Variants in DNAJB4 observed in about 807,000 individuals in gnomAD.
The protein encoded by DNAJB4 is dnaJ homolog subfamily B member 4.
A neutral mutation model predicts 26.6 loss-of-function variants in DNAJB4; 10 were observed. The observed-to-expected ratio is 0.38, with a 90% CI of 0.23 to 0.64. DNAJB4 has a LOEUF of 0.64. DNAJB4 is among the 30% of genes least tolerant of loss of function. The pLI is 0.58. For missense variants in DNAJB4, 328 were observed against 408.2 expected (o/e 0.80, Z 1.69); for synonymous variants, 136 against 134.8 (o/e 1.01, Z -0.06).
At chr1:77,999,385 TG>T (rs1660137877) in intron 1 of DNAJB4, among the ~76,000 whole-genome samples, 1 of 151,980 alleles carries the variant, frequency 6.6e-6, no homozygotes, top group Non-Finnish European at 1.5e-5. Flanking sequence ...TTTTATAAAC[TG>T]TAAAGTATTA....
At chr1:78,008,209 A>G (rs1479583041) in intron 1 of DNAJB4, among the ~76,000 whole-genome samples, 1 of 152,172 alleles carries the variant, frequency 6.6e-6, no homozygotes, top group East Asian at 1.9e-4. Flanking sequence ...AAAGGAAAGA[A>G]AAAAAATACG....
chr1:77,986,050 A>G (rs2102587466), intron 1 of DNAJB4, among the ~76,000 whole-genome samples: 1 of 152,270 alleles, frequency 6.6e-6, no homozygotes, highest in East Asian at 1.9e-4. Context: ...GATCAGATAG[A>G]TCATTCATTC....
At chr1:77,984,031 T>C (rs61778901) in intron 1 of DNAJB4, among the ~76,000 whole-genome samples, 13,252 of 152,248 alleles carry the variant, frequency 0.087, 790 homozygotes, top group Middle Eastern at 0.14. Context: ...GTGATTAGAC[T>C]GGGGTACCTC....
chr1:78,003,412 G>A (rs1016397169), upstream of DNAJB4, among the ~76,000 whole-genome samples: 25 of 152,136 alleles, frequency 1.6e-4, no homozygotes, highest in African/African-American at 5.3e-4. Context: ...TTAAAGTAGA[G>A]AATTTTGAAG....
At chr1:78,006,712 C>A (rs1454004182) in intron 1 of DNAJB4, among the ~76,000 whole-genome samples, 1 of 152,120 alleles carries the variant, frequency 6.6e-6, no homozygotes, top group Non-Finnish European at 1.5e-5. Context: ...AAATACTGGG[C>A]AGTTCAATCT....
rs371562329 is a variant in DNAJB4, at chr1:77,997,314, C to CAAA, written c.-31-7749_-31-7747dup. 2.1e-3 allele frequency among the ~76,000 whole-genome samples: 141 copies of CAAA among 67,644 alleles called. 1 individual carries two copies. Among genetic ancestry groups the CAAA allele is most frequent in the Middle Eastern group, 7.7e-3 (1 of 130 alleles). The allele number at this position is 67,644 out of a possible 152,430, so 44.4% of individuals were successfully genotyped here. On this transcript the variant is annotated intron_variant, in intron 1 of 2. Transcript: ENST00000426517. Reference sequence around the variant, plus strand: ...GAGACATAGTGAGAACCTGTCTCTACAAAAAAAAAAAAAAAAAAATCTATA... The same window carrying CAAA: ...GAGACATAGTGAGAACCTGTCTCTACAAAAAAAAAAAAAAAAAAAAAATCTATA...
rs905676813 is a variant in DNAJB4 at position 78,017,376 on chromosome 1, G to T, written c.*1129G>T. 3 of 151,328 alleles carry T rather than the reference G, an allele frequency of 2.0e-5. No homozygotes were observed. The highest frequency in any genetic ancestry group is 4.8e-5 in the African/African-American group (2 of 41,238). The allele number at this position is 151,328 out of a possible 1,614,324, so 9.4% of individuals were successfully genotyped here. A position where few individuals can be genotyped will look rare whatever the true frequency, so the allele number is the denominator to read the frequency against. On this transcript the variant is annotated 3_prime_UTR_variant, in exon 3 of 3. Coordinates refer to ENST00000370763, the MANE Select transcript of DNAJB4 (RefSeq NM_007034.5). ...ATGATGTTTTGAAGCAAAATTTTTG[G>T]TTATAAAATAGTTTTCAGGATTATA...
Position 78,016,084 on chromosome 1 carries a change from T to C in DNAJB4, c.851T>C (p.Ile284Thr), listed in dbSNP as rs1429653131. 2 of 1,614,122 alleles carry C rather than the reference T, an allele frequency of 1.2e-6. No individual in the cohort carries two copies. The highest frequency in any genetic ancestry group is 2.2e-5 in the East Asian group (1 of 44,858). ...AACATACCTATGTCAGTAAATGATA[T>C]TGTGAAACCCGGAATGAGGAGAAGA... ...GRNIPMSVND[I>T]VKPGMRRRII... The change falls in exon 3 of 3, where the codon ATT (isoleucine) becomes ACT (threonine). Residue 284 changes from isoleucine to threonine, a missense_variant. Ile to Thr is a moderately conservative substitution (Grantham distance 89). Coordinates refer to ENST00000370763, the MANE Select transcript of DNAJB4 (RefSeq NM_007034.5).
At chr1:78,012,750 G>A (rs528980947) in intron 1 of DNAJB4, among the ~76,000 whole-genome samples, 58 of 152,160 alleles carry the variant, frequency 3.8e-4, no homozygotes, top group African/African-American at 1.2e-3. Flanking sequence ...CGGAGGTTGC[G>A]GTGAGCCAAG....
intron 1 of DNAJB4, among the ~76,000 whole-genome samples, chr1:78,012,180 T>G (rs1456942116): frequency 7.0e-6 from 1 of 142,752 alleles, no homozygotes; most frequent in African/African-American, 2.6e-5. Flanking sequence ...TTTTTTTTTT[T>G]GAGACAGAGT....
At position 78,013,035 on chromosome 1, in the gene DNAJB4, T is replaced by G; in HGVS notation, c.212-16T>G. On this transcript the variant is annotated splice_polypyrimidine_tract_variant and intron_variant, in intron 1 of 2. Transcript: ENST00000370763. ...GTTGCAAGCTTTTTTCTAATCATGC[T>G]TATCTCTTCAATTAGGGTTGAAAGG... 6.4e-7 allele frequency: 1 copy of G among 1,558,802 alleles called. No individual in the cohort carries two copies. Among genetic ancestry groups the G allele is most frequent in the Non-Finnish European group, 8.6e-7 (1 of 1,156,128 alleles).
At chr1:77,999,059 G>A (rs753143043) in intron 1 of DNAJB4, among the ~76,000 whole-genome samples, 4 of 152,136 alleles carry the variant, frequency 2.6e-5, no homozygotes, top group Non-Finnish European at 5.9e-5. Context: ...TTGCTCTATA[G>A]CAATCTATGG....
chr1:78,007,560 G>A (rs942876718), intron 1 of DNAJB4, among the ~76,000 whole-genome samples: 38 of 152,200 alleles, frequency 2.5e-4, no homozygotes, highest in Admixed American at 5.9e-4. Context: ...CAGCCTGGGC[G>A]ACAGAGCGAG....
chr1:78,008,834 C>G (rs914954767), intron 1 of DNAJB4, among the ~76,000 whole-genome samples: 3 of 152,108 alleles, frequency 2.0e-5, no homozygotes, highest in Non-Finnish European at 4.4e-5. Flanking sequence ...CTGAACCACT[C>G]TCTAAAGTTT....
intron 1 of DNAJB4, among the ~76,000 whole-genome samples, chr1:78,007,619 A>T (rs531283195): frequency 1.2e-4 from 19 of 152,180 alleles, no homozygotes; most frequent in Non-Finnish European, 1.2e-4. Flanking sequence ...CAATTGAATG[A>T]AAGTTATTTG....
chr1:78,014,158 G>A (rs1325893637), intron 2 of DNAJB4, among the ~76,000 whole-genome samples: 1 of 147,282 alleles, frequency 6.8e-6, no homozygotes, highest in Non-Finnish European at 1.5e-5. Context: ...GTCTTGCTCT[G>A]TCACCCACAG....
In DNAJB4 at chr1:77,980,339, A is replaced by ATATATATATGTG. The variant is rs1477495217; in HGVS notation, c.-32+18_-32+19insATATATATGTGT. 339 of 126,090 alleles carry ATATATATATGTG rather than the reference A, an allele frequency of 2.7e-3. 1 individual carries two copies. The highest frequency in any genetic ancestry group is 0.012 in the African/African-American group (307 of 25,750). The allele number at this position is 126,090 out of a possible 1,614,324, so 7.8% of individuals were successfully genotyped here. A position where few individuals can be genotyped will look rare whatever the true frequency, so the allele number is the denominator to read the frequency against. On this transcript the variant is annotated intron_variant, in intron 1 of 2. Coordinates refer to the DNAJB4 transcript ENST00000426517. ...CAGGACTAGGTATATATATATATAT[A>ATATATATATGTG]TGTGTGTGTGTGTGTGTGTGTGTGT...
intron 1 of DNAJB4, among the ~76,000 whole-genome samples, chr1:77,996,468 A>G (rs1660062751): frequency 6.6e-6 from 1 of 152,026 alleles, no homozygotes; most frequent in Non-Finnish European, 1.5e-5. Context: ...TTATTTTTTT[A>G]AGTATAAAAT....
intron 1 of DNAJB4, among the ~76,000 whole-genome samples, chr1:78,008,415 G>A (rs981886753): frequency 6.6e-6 from 1 of 152,128 alleles, no homozygotes; most frequent in Non-Finnish European, 1.5e-5. Flanking sequence ...GCAATAAAAG[G>A]ACCAATTTGT....
Sources: allele counts gnomAD v4.1 joint callset (sites outside exome capture counted in the v4.1 genomes callset), GRCh38; gene constraint gnomAD v4.1.1; transcripts MANE v1.5; gene names NCBI Gene and HGNC (gene_info 2026-07-23, HGNC 2026-07-21).